The following PABPC4L variants were observed in gnomAD, a reference collection of about 807,000 sequenced individuals.
PABPC4L encodes the protein poly(A) binding protein cytoplasmic 4 like, also known as polyadenylate-binding protein 4-like.
For missense variants in PABPC4L, 452 were observed against 451.4 expected, an observed-to-expected ratio of 1.00 and a Z score of -0.01; for synonymous variants, 169 against 164.1, an observed-to-expected ratio of 1.03 and a Z score of -0.23.
the PABPC4L span, among the ~76,000 whole-genome samples, chr4:134,054,465 A>T: frequency 1.3e-5 from 2 of 151,524 alleles, no homozygotes; most frequent in Non-Finnish European, 3.0e-5. Flanking sequence ...AAGGATATTG[A>T]CAGAAGAGTC....
the PABPC4L span, among the ~76,000 whole-genome samples, chr4:134,137,882 A>G: frequency 6.6e-6 from 1 of 151,836 alleles, no homozygotes; most frequent in Non-Finnish European, 1.5e-5. Flanking sequence ...AAAATATTAT[A>G]AAATATATGG....
chr4:134,093,145 C>T, the PABPC4L span, among the ~76,000 whole-genome samples: 1 of 151,444 alleles, frequency 6.6e-6, no homozygotes, highest in Admixed American at 6.6e-5. Flanking sequence ...GTTTAAAAAG[C>T]AGGATTTTTA....
chr4:134,012,447 G>A, the PABPC4L span, among the ~76,000 whole-genome samples: 22 of 152,190 alleles, frequency 1.4e-4, no homozygotes, highest in Admixed American at 5.9e-4. Context: ...CCAGAGAACA[G>A]CCCCCCTTTG....
chr4:134,201,169 C>T lies in PABPC4L; in HGVS notation c.-150G>A, dbSNP rs951761353. 5.2e-6 allele frequency: 8 copies of T among 1,548,678 alleles called. No individual in the cohort carries two copies. In the Admixed American group the frequency reaches 1.4e-4, roughly 27 times the overall value. On this transcript the variant is annotated 5_prime_UTR_variant, in exon 2 of 2. Coordinates refer to ENST00000421491, the MANE Select transcript of PABPC4L (RefSeq NM_001114734.2). ...CAAGCAATGGAGTTCAGACACGACT[C>T]CCCCAGCTCAGGCAACACCCTCATC...
chr4:134,060,705 A>G, the PABPC4L span, among the ~76,000 whole-genome samples: 1 of 152,058 alleles, frequency 6.6e-6, no homozygotes, highest in Non-Finnish European at 1.5e-5. Flanking sequence ...ATATCTAGGT[A>G]TATGGTACAT....
the PABPC4L span, among the ~76,000 whole-genome samples, chr4:134,104,637 C>A: frequency 1.3e-5 from 2 of 151,644 alleles, no homozygotes; most frequent in African/African-American, 4.8e-5. Flanking sequence ...AAATATGGTG[C>A]CTCTTCCAAA....
the PABPC4L span, among the ~76,000 whole-genome samples, chr4:134,144,874 A>G: frequency 5.9e-5 from 9 of 151,680 alleles, no homozygotes; most frequent in Non-Finnish European, 1.3e-4. Flanking sequence ...TTGTGTAAAA[A>G]TTCATGCTGA....
At chr4:134,178,984 G>A in the PABPC4L span, among the ~76,000 whole-genome samples, 1 of 152,040 alleles carries the variant, frequency 6.6e-6, no homozygotes, top group Non-Finnish European at 1.5e-5. Flanking sequence ...TCAGGATACT[G>A]TCCATGAAAA....
At chr4:134,000,247 A>C in the PABPC4L span, among the ~76,000 whole-genome samples, 1 of 152,182 alleles carries the variant, frequency 6.6e-6, no homozygotes, top group Non-Finnish European at 1.5e-5. Flanking sequence ...AGGGCACAGC[A>C]TTAATGCCAT....
chr4:134,174,016 TTTTC>T, the PABPC4L span, among the ~76,000 whole-genome samples: 1 of 152,096 alleles, frequency 6.6e-6, no homozygotes, highest in African/African-American at 2.4e-5. Flanking sequence ...TACAAAAATA[TTTTC>T]TTTCTTTATA....
downstream of PABPC4L, among the ~76,000 whole-genome samples, chr4:134,192,684 G>A (rs1247733420): frequency 6.6e-6 from 1 of 152,022 alleles, no homozygotes; most frequent in Admixed American, 6.6e-5. Context: ...ATATGATGAT[G>A]ACAATAAGTA....
At chr4:134,014,140 G>T in the PABPC4L span, among the ~76,000 whole-genome samples, 4 of 152,010 alleles carry the variant, frequency 2.6e-5, no homozygotes, top group African/African-American at 4.8e-5. Context: ...GACCCTAAAA[G>T]GTCAAAAGGC....
At chr4:133,986,553 C>T in the PABPC4L span, among the ~76,000 whole-genome samples, 1 of 151,858 alleles carries the variant, frequency 6.6e-6, no homozygotes, top group South Asian at 2.1e-4. Flanking sequence ...ATCTAAACAC[C>T]TACAAATATC....
the PABPC4L span, among the ~76,000 whole-genome samples, chr4:134,047,426 G>C: frequency 6.6e-6 from 1 of 152,072 alleles, no homozygotes; most frequent in Admixed American, 6.6e-5. Context: ...ATGGGGTCCT[G>C]ATCTGTTTAC....
chr4:134,149,948 T>C, the PABPC4L span, among the ~76,000 whole-genome samples: 1 of 152,184 alleles, frequency 6.6e-6, no homozygotes, highest in African/African-American at 2.4e-5. Context: ...CAATATCTAT[T>C]GCAGGAAGAG....
the PABPC4L span, among the ~76,000 whole-genome samples, chr4:134,182,368 T>C: frequency 1.3e-4 from 20 of 152,056 alleles, no homozygotes; most frequent in African/African-American, 4.1e-4. Context: ...CTCTATTATA[T>C]AAATGGTGCT....
chr4:134,111,110 A>G, the PABPC4L span, among the ~76,000 whole-genome samples: 1 of 152,060 alleles, frequency 6.6e-6, no homozygotes, highest in African/African-American at 2.4e-5. Context: ...GTAAGGGTCC[A>G]TCCTCTGCTT....
the PABPC4L span, among the ~76,000 whole-genome samples, chr4:134,034,024 A>C: frequency 6.6e-6 from 1 of 151,968 alleles, no homozygotes; most frequent in Non-Finnish European, 1.5e-5. Context: ...GGAGAAGTCA[A>C]TTACTTGCTT....
the PABPC4L span, among the ~76,000 whole-genome samples, chr4:134,022,316 G>A: frequency 1.3e-5 from 2 of 152,002 alleles, no homozygotes; most frequent in African/African-American, 4.8e-5. Context: ...CCCTAAATTA[G>A]CCGCATTCAG....
Sources: gnomAD v4.1 joint callset for allele counts (sites outside exome capture counted in the v4.1 genomes callset) on GRCh38, gnomAD v4.1.1 for gene constraint, MANE v1.5 for transcripts, NCBI Gene and HGNC (gene_info 2026-07-23, HGNC 2026-07-21) for gene names.